Variants in TNRC6C observed in about 807,000 individuals in gnomAD.
TNRC6C encodes the protein trinucleotide repeat-containing gene 6C protein.
Under a neutral mutation model 153.7 loss-of-function variants are expected in TNRC6C, and 20 were observed. The ratio of observed to expected loss-of-function variants is 0.13; its 90% CI spans 0.09 to 0.19. The LOEUF (loss-of-function observed/expected upper bound fraction) is 0.19, where lower values mean the gene tolerates loss of function less well. Ranked by LOEUF, TNRC6C falls within the 10% of genes least tolerant of loss-of-function variation. The pLI is 1.00. For synonymous variants in TNRC6C, 811 were observed against 841.4 expected (o/e 0.96, Z 0.63); for missense variants, 1,987 against 2,172.0 (o/e 0.91, Z 1.69).
intron 1 of TNRC6C, among the ~76,000 whole-genome samples, chr17:77,995,126 G>A (rs531963009): frequency 1.3e-5 from 2 of 152,250 alleles, no homozygotes; most frequent in Non-Finnish European, 2.9e-5. Context: ...AGAGGATTCA[G>A]GAATAGCAGA....
intron 1 of TNRC6C, among the ~76,000 whole-genome samples, chr17:78,014,963 G>T (rs1228467866): frequency 6.6e-6 from 1 of 152,092 alleles, no homozygotes; most frequent in Non-Finnish European, 1.5e-5. Flanking sequence ...AATGTTTGCT[G>T]CTGTATAGGC....
At chr17:78,003,350 G>A (rs2071442400), upstream of TNRC6C, among the ~76,000 whole-genome samples, 1 of 152,026 alleles carries the variant, frequency 6.6e-6, no homozygotes, top group Non-Finnish European at 1.5e-5. Context: ...TCCAGAGAAG[G>A]AAAAAAGATA....
At chr17:78,100,107 C>A (rs970363610) in intron 17 of TNRC6C, among the ~76,000 whole-genome samples, 2 of 152,220 alleles carry the variant, frequency 1.3e-5, no homozygotes, top group African/African-American at 2.4e-5. Context: ...GGTACAGCCT[C>A]CCTCTTGGCT....
intron 1 of TNRC6C, among the ~76,000 whole-genome samples, chr17:77,987,492 T>C (rs75141786): frequency 0.028 from 4,280 of 152,236 alleles, 136 homozygotes; most frequent in East Asian, 0.15. Context: ...CCTAAGACAA[T>C]CACAAATACA....
chr17:78,049,559 C>T lies in TNRC6C; in HGVS notation c.497C>T (p.Thr166Ile). 1 of 1,614,026 alleles carries T rather than the reference C, an allele frequency of 6.2e-7. No homozygotes were observed. The highest frequency in any genetic ancestry group is 1.3e-5 in the African/African-American group (1 of 75,070). The stretch of plus-strand genomic sequence containing the variant: ...GAGAGCACAGAACCACAAACGTCCA[C>T]TTCTCAGAATGTGTCTTTCAGCGCA... Residue 166 changes from threonine to isoleucine, a missense_variant, in exon 3 of 20, where the codon ACT (threonine) becomes ATT (isoleucine). This residue lies in a region of TNRC6C where 1,052 missense variants were observed against 1,017.0 expected (regional missense o/e 1.03). Coordinates refer to ENST00000301624, the Ensembl canonical transcript of TNRC6C. This position sits in a 1 kb window ranked among gnomAD's most constrained non-coding sequence, Gnocchi z 4.1.
At chr17:77,990,669 A>G (rs537409153) in intron 1 of TNRC6C, among the ~76,000 whole-genome samples, 126 of 152,338 alleles carry the variant, frequency 8.3e-4, no homozygotes, top group Non-Finnish European at 1.5e-3. Flanking sequence ...TAATTAATGT[A>G]TTATGAAGGA....
intron 2 of TNRC6C, among the ~76,000 whole-genome samples, chr17:78,033,944 C>T (rs186698756): frequency 2.0e-5 from 3 of 152,330 alleles, no homozygotes; most frequent in South Asian, 2.1e-4. Context: ...ACAAACCTGC[C>T]GTGGTCACCT....
intron 6 of TNRC6C, among the ~76,000 whole-genome samples, chr17:78,072,455 A>T (rs2073015896): frequency 6.6e-6 from 1 of 152,210 alleles, no homozygotes. Flanking sequence ...AGAGACATGG[A>T]GATGGGCCTC....
At chr17:78,041,221 G>T (rs1018927943) in intron 2 of TNRC6C, 4 of 152,230 alleles carry the variant, frequency 2.6e-5, no homozygotes, top group African/African-American at 9.7e-5. Flanking sequence ...TAACATTCCA[G>T]CGTGTGAGTG....
At chr17:78,025,217 CCT>C (rs1358064830) in intron 1 of TNRC6C, among the ~76,000 whole-genome samples, 1 of 152,144 alleles carries the variant, frequency 6.6e-6, no homozygotes, top group Non-Finnish European at 1.5e-5. Flanking sequence ...CTAAAAATCC[CCT>C]GTGCTCCGCA....
chr17:77,971,887 A>G (rs1438699857), intron 1 of TNRC6C, among the ~76,000 whole-genome samples: 1 of 151,594 alleles, frequency 6.6e-6, no homozygotes, highest in Non-Finnish European at 1.5e-5. Context: ...AAAAAAGAAC[A>G]TGTCAAAATT....
chr17:78,098,784 C>T (rs1375230604), intron 17 of TNRC6C, among the ~76,000 whole-genome samples: 3 of 152,172 alleles, frequency 2.0e-5, no homozygotes. Flanking sequence ...AGGTCCCAGG[C>T]AGTTCCAGCA....
chr17:78,095,796 C>A (rs1295503624), intron 16 of TNRC6C, among the ~76,000 whole-genome samples: 1 of 152,224 alleles, frequency 6.6e-6, no homozygotes, highest in African/African-American at 2.4e-5. Flanking sequence ...GTAATCCCAG[C>A]ACTTTGGGTG....
chr17:78,054,440 C>CACTGCAGACTACTGTATACT, intron 3 of TNRC6C, among the ~76,000 whole-genome samples: 1 of 147,710 alleles, frequency 6.8e-6, no homozygotes, highest in Admixed American at 6.7e-5. Context: ...TACTGTAAAC[C>CACTGCAGACTACTGTATACT]ACTGCAGACT....
chr17:77,965,613 A>G (rs985134691), intron 1 of TNRC6C, among the ~76,000 whole-genome samples: 1 of 152,206 alleles, frequency 6.6e-6, no homozygotes, highest in African/African-American at 2.4e-5. Context: ...CAGGGGAAGG[A>G]CATCAACTTC....
chr17:77,967,654 T>A (rs531179093), intron 1 of TNRC6C, among the ~76,000 whole-genome samples: 3 of 152,350 alleles, frequency 2.0e-5, no homozygotes, highest in South Asian at 2.1e-4. Flanking sequence ...TAAGTGCCAC[T>A]GACCCAATCA....
chr17:77,990,127 C>A (rs576234750), intron 1 of TNRC6C, among the ~76,000 whole-genome samples: 1 of 152,272 alleles, frequency 6.6e-6, no homozygotes, highest in Admixed American at 6.5e-5. Flanking sequence ...TCCCTTATAC[C>A]CATATCCAAT....
intron 17 of TNRC6C, among the ~76,000 whole-genome samples, 165 bp from the exon 21 acceptor site, chr17:78,102,309 T>A (rs1335087763): frequency 2.0e-5 from 3 of 152,184 alleles, no homozygotes; most frequent in African/African-American, 7.2e-5. Flanking sequence ...TGTGAGGTTT[T>A]GGTTTACCAA....
exon 3 of TNRC6C, chr17:78,051,366 G>C (rs889452487): frequency 6.4e-7 from 1 of 1,550,654 alleles, no homozygotes; most frequent in Non-Finnish European, 8.7e-7. Context: ...CCACTACCAC[G>C]AGCAACACCA....
Sources: allele counts gnomAD v4.1 joint callset (sites outside exome capture counted in the v4.1 genomes callset), GRCh38; gene constraint gnomAD v4.1.1; regional missense constraint gnomAD v4.1.1; non-coding constraint Gnocchi (gnomAD v3.1); transcripts MANE v1.5; gene names NCBI Gene and HGNC (gene_info 2026-07-23, HGNC 2026-07-21).